Variants in TTL observed in about 807,000 individuals in gnomAD.
TTL encodes tubulin tyrosine ligase.
TTL carries 10 observed loss-of-function variants against 41.1 expected under a neutral mutation model. That is an observed-to-expected ratio of 0.24 (90% CI 0.15 to 0.41). The LOEUF is 0.41. Among genes scored for constraint, TTL ranks in the 10% least tolerant of loss-of-function variants. TTL has a pLI of 1.00. For synonymous variants in TTL, 175 were observed against 175.5 expected (o/e 1.00, Z 0.02); for missense variants, 367 against 460.4 (o/e 0.80, Z 1.86).
At chr2:112,509,012 G>T (rs1681847789) in intron 5 of TTL, among the ~76,000 whole-genome samples, 2 of 69,916 alleles carry the variant, frequency 2.9e-5, no homozygotes, top group Non-Finnish European at 2.6e-5. Flanking sequence ...GTCCTTTCTG[G>T]TTGTTAGTTT....
At chr2:112,517,047 A>G (rs1682089564) in intron 5 of TTL, among the ~76,000 whole-genome samples, 1 of 151,640 alleles carries the variant, frequency 6.6e-6, no homozygotes, top group Non-Finnish European at 1.5e-5. Context: ...CTTTCCTTCC[A>G]GCTAGCCTCC....
In TTL at chr2:112,482,523, G is replaced by A; in HGVS notation, c.157+22G>A. On this transcript the variant is annotated intron_variant, in intron 1 of 6. Transcript: ENST00000233336. The surrounding 1 kb of genome is among the most constrained non-coding windows in gnomAD (Gnocchi z 5.3). ...CTGGGTGAGCCCCTCCCCGATTCCC[G>A]TCTGCCCTCCTCGGAGCGGCCCTGC... The A allele has an allele frequency of 6.3e-7, 1 of 1,579,048 alleles. No homozygotes were observed. Among genetic ancestry groups the A allele is most frequent in the Non-Finnish European group, 8.6e-7 (1 of 1,160,918 alleles).
Position 112,541,709 on chromosome 2 carries a change from TAAACAC to T in TTL, c.*12923_*12928del, listed in dbSNP as rs1297256675. On this transcript the variant is annotated 3_prime_UTR_variant, in exon 7 of 7. Transcript: ENST00000233336. Reference sequence around the variant, plus strand: ...GCCAGTTATAACGCAATATAGCTGTTAAACACAAACACAATAAAGTTGAAAAACCAG... The same window carrying T: ...GCCAGTTATAACGCAATATAGCTGTTAAACACAATAAAGTTGAAAAACCAG... 2.3e-5 allele frequency: 5 copies of T among 221,808 alleles called. No homozygotes were observed. The highest frequency in any genetic ancestry group is 6.1e-5 in the South Asian group (1 of 16,382). The allele number at this position is 221,808 out of a possible 1,614,324, so 13.7% of individuals were successfully genotyped here.
In TTL at chr2:112,530,770, T is replaced by C. The variant is rs1473303338; in HGVS notation, c.*1975T>C. On this transcript the variant is annotated 3_prime_UTR_variant, in exon 7 of 7. Coordinates refer to ENST00000233336, the MANE Select transcript of TTL (RefSeq NM_153712.5). ...ATGTCAGGAAGTCTGTGAATCTTGA[T>C]GGATTTTCTGAGAAACCTGACTCAA... 5.0e-5 allele frequency: 10 copies of C among 201,484 alleles called. No individual in the cohort carries two copies. In the East Asian group the frequency reaches 7.6e-4, roughly 15 times the overall value. The allele number at this position is 201,484 out of a possible 1,614,324, so 12.5% of individuals were successfully genotyped here. A position where few individuals can be genotyped will look rare whatever the true frequency, so the allele number is the denominator to read the frequency against.
chr2:112,522,527 G>T (rs936416281), intron 6 of TTL: 1 of 152,434 alleles, frequency 6.6e-6, no homozygotes, highest in African/African-American at 2.4e-5. Flanking sequence ...TCTTCATCCA[G>T]TGCCTCTGGT....
At chr2:112,484,395 C>T (rs1681183023) in intron 1 of TTL, among the ~76,000 whole-genome samples, 1 of 151,930 alleles carries the variant, frequency 6.6e-6, no homozygotes, top group South Asian at 2.1e-4. Context: ...TCCCAAGTAG[C>T]TGGGATTACA....
intron 5 of TTL, among the ~76,000 whole-genome samples, chr2:112,511,366 G>A (rs1170561448): frequency 6.6e-6 from 1 of 151,716 alleles, no homozygotes; most frequent in East Asian, 1.9e-4. Context: ...GAGAAGCGAT[G>A]TTTGTTCTAT....
intron 2 of TTL, among the ~76,000 whole-genome samples, chr2:112,492,784 G>C (rs1397343969): frequency 6.6e-6 from 1 of 152,068 alleles, no homozygotes; most frequent in Non-Finnish European, 1.5e-5. Flanking sequence ...CCAGCTACTC[G>C]GGAGTCTGAG....
intron 5 of TTL, among the ~76,000 whole-genome samples, chr2:112,511,228 C>G (rs138921046): frequency 2.0e-5 from 3 of 151,790 alleles, no homozygotes; most frequent in Non-Finnish European, 4.4e-5. Context: ...AAGCTGGTCT[C>G]GAACTCTTGG....
Position 112,530,774 on chromosome 2 carries a change from T to C in TTL, c.*1979T>C, listed in dbSNP as rs989086057. 7 of 200,838 alleles carry C rather than the reference T, an allele frequency of 3.5e-5. No individual in the cohort carries two copies. Among genetic ancestry groups the C allele is most frequent in the Non-Finnish European group, 6.1e-5 (6 of 97,592 alleles). The allele number at this position is 200,838 out of a possible 1,614,324, so 12.4% of individuals were successfully genotyped here. A position where few individuals can be genotyped will look rare whatever the true frequency, so the allele number is the denominator to read the frequency against. ...CAGGAAGTCTGTGAATCTTGATGGA[T>C]TTTCTGAGAAACCTGACTCAATGGC... On this transcript the variant is annotated 3_prime_UTR_variant, in exon 7 of 7. Coordinates refer to ENST00000233336, the MANE Select transcript of TTL (RefSeq NM_153712.5).
intron 2 of TTL, among the ~76,000 whole-genome samples, chr2:112,492,444 G>A (rs113993274): frequency 0.014 from 2,064 of 151,890 alleles, 21 homozygotes; most frequent in Non-Finnish European, 0.022. Context: ...AATTAGCTGG[G>A]TGTGGGCCGG....
chr2:112,509,023 TC>T (rs1436835190), intron 5 of TTL, among the ~76,000 whole-genome samples: 2 of 78,806 alleles, frequency 2.5e-5, no homozygotes, highest in African/African-American at 1.1e-4. Context: ...TTGTTAGTTT[TC>T]CTTCTAACAG....
In TTL at chr2:112,521,689, T is replaced by G. The variant is rs547446345; in HGVS notation, c.1019+1264T>G. ...GTGCTGCCTACCTGGCCAGGCTCTG[T>G]ATGAGGCCATGGGTTCACAGTGGGG... is the stretch of plus-strand genomic sequence containing the variant. On this transcript the variant is annotated intron_variant, in intron 6 of 6. Coordinates refer to ENST00000233336, the MANE Select transcript of TTL (RefSeq NM_153712.5). Among the ~76,000 whole-genome samples, 23 of 152,254 alleles carry G rather than the reference T, an allele frequency of 1.5e-4. No homozygotes were observed. The East Asian group carries it at 2.9e-3, about 19-fold the overall frequency.
chr2:112,532,129 G>A lies in TTL; in HGVS notation c.*3334G>A, dbSNP rs574865071. 3 of 226,674 alleles carry A rather than the reference G, an allele frequency of 1.3e-5. No individual in the cohort carries two copies. The highest frequency in any genetic ancestry group is 1.8e-4 in the South Asian group (1 of 5,478). The allele number at this position is 226,674 out of a possible 1,614,324, so 14.0% of individuals were successfully genotyped here. A position where few individuals can be genotyped will look rare whatever the true frequency, so the allele number is the denominator to read the frequency against. On this transcript the variant is annotated 3_prime_UTR_variant, in exon 7 of 7. Transcript: ENST00000233336. ...GGAGTGCTGGAAATGTACTGTGATC[G>A]AAGTGACAAAGTGTGTTTTCATTCA...
At chr2:112,491,012 G>A (rs1322545763) in intron 2 of TTL, among the ~76,000 whole-genome samples, 1 of 151,912 alleles carries the variant, frequency 6.6e-6, no homozygotes, top group African/African-American at 2.4e-5. Flanking sequence ...GTGTGTGTGT[G>A]TTGGAGTCTC....
chr2:112,528,460 C>A lies in TTL; in HGVS notation c.1020-221C>A, dbSNP rs1682417918. Reference sequence around the variant, plus strand: ...ACAAAAAATTTAAAAATTAGCTGGGCATGGTGGGGCACACCTATAGTGCCA... The same window carrying A: ...ACAAAAAATTTAAAAATTAGCTGGGAATGGTGGGGCACACCTATAGTGCCA... On this transcript the variant is annotated intron_variant, in intron 6 of 6. Transcript: ENST00000233336. 2.0e-5 allele frequency among the ~76,000 whole-genome samples: 3 copies of A among 152,010 alleles called. No individual in the cohort carries two copies. In the South Asian group the frequency reaches 6.2e-4, roughly 32 times the overall value.
chr2:112,491,165 G>A (rs1681375612), intron 2 of TTL, among the ~76,000 whole-genome samples: 1 of 151,876 alleles, frequency 6.6e-6, no homozygotes, highest in Non-Finnish European at 1.5e-5. Context: ...CTAATTTTTT[G>A]TATTTTTAGT....
chr2:112,521,184 G>T, intron 6 of TTL: 1 of 985,350 alleles, frequency 1.0e-6, no homozygotes, highest in African/African-American at 1.7e-5. Context: ...AAGAGGTGCA[G>T]CGTCCTGTGG....
intron 1 of TTL, among the ~76,000 whole-genome samples, chr2:112,485,577 G>A (rs1681218802): frequency 1.3e-5 from 2 of 152,200 alleles, no homozygotes; most frequent in Non-Finnish European, 2.9e-5. Context: ...GTCTATATGT[G>A]TTAAGCCAGG....
Sources: allele counts gnomAD v4.1 joint callset (sites outside exome capture counted in the v4.1 genomes callset), GRCh38; gene constraint gnomAD v4.1.1; non-coding constraint Gnocchi (gnomAD v3.1); transcripts MANE v1.5; gene names NCBI Gene and HGNC (gene_info 2026-07-23, HGNC 2026-07-21).